The following PGAP2 variants were observed in gnomAD, a reference collection of about 807,000 sequenced individuals.
The protein encoded by PGAP2 is acyltransferase PGAP2.
A neutral mutation model predicts 33.2 loss-of-function variants in PGAP2; 21 were observed. The ratio of observed to expected loss-of-function variants is 0.63; its 90% confidence interval spans 0.45 to 0.91. The LOEUF (loss-of-function observed/expected upper bound fraction) is 0.91. PGAP2 is among the 40% of genes least tolerant of loss of function. The pLI, the probability that PGAP2 is intolerant of heterozygous loss-of-function variation, is 0.00. For missense variants in PGAP2, 345 were observed against 424.0 expected, an observed-to-expected ratio of 0.81 and a Z score of 1.64; for synonymous variants, 161 against 172.9, an observed-to-expected ratio of 0.93 and a Z score of 0.54.
Position 3,825,515 on chromosome 11 carries a change from T to C in PGAP2, c.*57T>C. 6.4e-7 allele frequency: 1 copy of C among 1,568,208 alleles called. No individual in the cohort carries two copies. Among genetic ancestry groups the C allele is most frequent in the South Asian group, 1.2e-5 (1 of 86,418 alleles). On this transcript the variant is annotated 3_prime_UTR_variant, in exon 7 of 7. Transcript: ENST00000278243. ...CACTGCCCAGAAACAAGAAACACGA[T>C]ACCATTCTGGCCTTCCCCACCCCAC... is the stretch of plus-strand genomic sequence containing the variant.
At chr11:3,809,840 G>C (rs1451645320) in intron 1 of PGAP2, among the ~76,000 whole-genome samples, 2 of 152,188 alleles carry the variant, frequency 1.3e-5, no homozygotes, top group Non-Finnish European at 2.9e-5. Flanking sequence ...CTGGCAGCTG[G>C]GGGAAAATGG....
chr11:3,808,780 A>G (rs1245313218), intron 1 of PGAP2, 129 bp downstream of exon 1: 2 of 272,220 alleles, frequency 7.3e-6, no homozygotes, highest in East Asian at 3.4e-4. Context: ...TATCGCACAC[A>G]CTCTGTTTCC....
Position 3,825,103 on chromosome 11 carries a change from G to T in PGAP2, c.792G>T (p.Arg264=). ...SFFSALAVYF[R]HNMYCEAGVY... ...TCTCGGCGCTGGCTGTCTACTTTCG[G>T]CACAACATGTATTGTGAGGCTGGAG... The change falls in exon 6 of 7, where the codon CGG becomes CGT. Residue 264 remains arginine (R), a synonymous_variant. Coordinates refer to ENST00000278243, the MANE Select transcript of PGAP2 (RefSeq NM_014489.4). The T allele has an allele frequency of 6.2e-7, 1 of 1,614,138 alleles. No individual in the cohort carries two copies. Among genetic ancestry groups the T allele is most frequent in the South Asian group, 1.1e-5 (1 of 91,070 alleles).
At chr11:3,815,477 CT>C (rs1362112534) in intron 2 of PGAP2, among the ~76,000 whole-genome samples, 4 of 152,010 alleles carry the variant, frequency 2.6e-5, no homozygotes. Context: ...GACTGGCTAA[CT>C]TTTTGTATTT....
At chr11:3,798,188 C>G in intron 1 of PGAP2, 2 of 1,304,468 alleles carry the variant, frequency 1.5e-6, no homozygotes, top group Non-Finnish European at 2.0e-6. Flanking sequence ...CGCCCCAGCA[C>G]TTTCTTTCCC....
intron 3 of PGAP2, chr11:3,818,017 G>A (rs1565029566): frequency 3.2e-6 from 1 of 314,914 alleles, no homozygotes. Flanking sequence ...TTATACTCCA[G>A]CCTGGGTGAC....
chr11:3,821,633 C>T (rs978562783), intron 3 of PGAP2, among the ~76,000 whole-genome samples: 6 of 152,064 alleles, frequency 3.9e-5, no homozygotes, highest in African/African-American at 1.2e-4. Context: ...CAGCAGGCGC[C>T]TGTAATCCCA....
chr11:3,797,749 A>C (rs2082759786), upstream of PGAP2: 1 of 1,426,688 alleles, frequency 7.0e-7, no homozygotes, highest in African/African-American at 1.4e-5. Flanking sequence ...ACAGGGTAGG[A>C]GCGGTGAGAG....
intron 2 of PGAP2, among the ~76,000 whole-genome samples, chr11:3,813,836 A>G (rs2086145923): frequency 6.6e-6 from 1 of 152,182 alleles, no homozygotes; most frequent in Non-Finnish European, 1.5e-5. Flanking sequence ...TCTGCCCCTT[A>G]TGGCTGACCC....
upstream of PGAP2, among the ~76,000 whole-genome samples, chr11:3,806,627 A>G (rs2134227414): frequency 6.6e-6 from 1 of 152,350 alleles, no homozygotes; most frequent in South Asian, 2.1e-4. Context: ...ATAGTGGATT[A>G]TGTGAATTAT....
chr11:3,819,687 T>C (rs1178811473), intron 3 of PGAP2, among the ~76,000 whole-genome samples: 1 of 152,128 alleles, frequency 6.6e-6, no homozygotes, highest in African/African-American at 2.4e-5. Context: ...TACTCTTAGC[T>C]CTGGGCACAT....
intron 1 of PGAP2, among the ~76,000 whole-genome samples, chr11:3,799,853 G>A (rs1027387091): frequency 2.0e-5 from 3 of 152,154 alleles, no homozygotes; most frequent in African/African-American, 7.2e-5. Flanking sequence ...TGTGGTCCCA[G>A]CTACTAGGGA....
Position 3,823,906 on chromosome 11 carries a change from G to A in PGAP2, c.372G>A (p.Val124=), listed in dbSNP as rs778761829. 2.5e-6 allele frequency: 4 copies of A among 1,605,392 alleles called. No homozygotes were observed. The South Asian group carries it at 4.4e-5, about 18-fold the overall frequency. ...AGGTGCCCAATTACCTGCCCTCGGTGAGCTCAGCCATCGGCGGGGAGGTGC... is the reference window on the plus strand; with the variant it reads ...AGGTGCCCAATTACCTGCCCTCGGTAAGCTCAGCCATCGGCGGGGAGGTGC... ...DCGVPNYLPS[V]SSAIGGEVPQ... Residue 124 remains valine, a synonymous_variant, in exon 4 of 7, where the codon GTG becomes GTA. Coordinates refer to ENST00000278243, the MANE Select transcript of PGAP2 (RefSeq NM_014489.4).
In PGAP2 at chr11:3,815,310, CT is replaced by C. The variant is rs965285453; in HGVS notation, c.166-2030del. Among the ~76,000 whole-genome samples, 1,127 of 136,264 alleles carry C rather than the reference CT, an allele frequency of 8.3e-3. 4 individuals carry two copies. The highest frequency in any genetic ancestry group is 0.015 in the Middle Eastern group (4 of 260). 89.4% of individuals were successfully genotyped at this position (136,264 alleles called of 152,430 possible). On this transcript the variant is annotated intron_variant, in intron 2 of 6. Transcript: ENST00000278243. The stretch of plus-strand genomic sequence containing the variant: ...TGAGGGGCCTTGAGTCTGTCTTCTT[CT>C]TTTTTTTTTTTTCTTGAGATGGAAT...
chr11:3,818,075 AC>A (rs1590323099), intron 3 of PGAP2: 2 of 304,404 alleles, frequency 6.6e-6, no homozygotes, highest in East Asian at 9.8e-5. Flanking sequence ...AAAAAAAAAA[AC>A]AGCAGGCTGT....
At chr11:3,805,705 TGAGACACGGTCTTGCTCTGTCTTCAG>T (rs1254569228), upstream of PGAP2, among the ~76,000 whole-genome samples, 15 of 151,126 alleles carry the variant, frequency 9.9e-5, no homozygotes, top group African/African-American at 3.4e-4. Flanking sequence ...CTTTTTTTTT[TGAGACACGGTCTTGCTCTGTCTTCAG>T]GCTGGAGTGC....
At chr11:3,814,429 G>A (rs928290585) in intron 2 of PGAP2, among the ~76,000 whole-genome samples, 1 of 151,952 alleles carries the variant, frequency 6.6e-6, no homozygotes, top group Non-Finnish European at 1.5e-5. Context: ...GCTAATTTTT[G>A]TATTTTTGGT....
At chr11:3,806,517 G>A (rs1352759121), upstream of PGAP2, among the ~76,000 whole-genome samples, 2 of 152,196 alleles carry the variant, frequency 1.3e-5, no homozygotes, top group South Asian at 2.1e-4. Flanking sequence ...CATGAGGCCT[G>A]TCAAAGAGAG....
Position 3,817,349 on chromosome 11 carries a change from T to A in PGAP2, c.166-4T>A, listed in dbSNP as rs375616358. ...CCCCAAGTTGTATCCCTCGTGCTGC[T>A]TAGGCCACGCCCTGCAGGATGTTCT... is the stretch of plus-strand genomic sequence containing the variant. On this transcript the variant is annotated splice_region_variant and splice_polypyrimidine_tract_variant and intron_variant, in intron 2 of 6. Coordinates refer to ENST00000278243, the MANE Select transcript of PGAP2 (RefSeq NM_014489.4). 2.7e-5 allele frequency: 43 copies of A among 1,610,596 alleles called. No individual in the cohort carries two copies. Among genetic ancestry groups the A allele is most frequent in the Non-Finnish European group, 2.1e-5 (25 of 1,178,010 alleles).
Sources: allele counts gnomAD v4.1 joint callset (sites outside exome capture counted in the v4.1 genomes callset), GRCh38; gene constraint gnomAD v4.1.1; transcripts MANE v1.5; gene names NCBI Gene and HGNC (gene_info 2026-07-23, HGNC 2026-07-21).